The following MMADHC variants were observed in gnomAD, a reference collection of about 807,000 sequenced individuals.
The protein encoded by MMADHC is metabolism of cobalamin associated D.
Under a neutral mutation model 36.3 loss-of-function variants are expected in MMADHC, and 23 were observed. The ratio of observed to expected loss-of-function variants is 0.63; its 90% CI spans 0.46 to 0.90. The LOEUF is 0.90. MMADHC is among the 40% of genes least tolerant of loss of function. The pLI is 0.00. For missense variants in MMADHC, 330 were observed against 348.0 expected, an observed-to-expected ratio of 0.95 and a Z score of 0.41; for synonymous variants, 97 against 116.1, an observed-to-expected ratio of 0.84 and a Z score of 1.06.
chr2:149,585,150 A>G (rs1013812635), intron 2 of MMADHC, among the ~76,000 whole-genome samples: 4 of 152,200 alleles, frequency 2.6e-5, no homozygotes, highest in Non-Finnish European at 4.4e-5. Flanking sequence ...TGACTGGTTC[A>G]GCTGGTGAAC....
At position 149,569,935 on chromosome 2, in the gene MMADHC, T is replaced by C. The variant is rs1250059069; in HGVS notation, c.*39A>G. On this transcript the variant is annotated 3_prime_UTR_variant, in exon 8 of 8. Transcript: ENST00000303319. ...CAGTGTTTATAGATCAACCCAAATA[T>C]TACATACAAATAGTACAGCAAATGA... The C allele has an allele frequency of 1.3e-6, 2 of 1,576,428 alleles. No individual in the cohort carries two copies. Among genetic ancestry groups the C allele is most frequent in the East Asian group, 2.2e-5 (1 of 44,494 alleles).
chr2:149,570,537 A>T (rs1408153477), intron 7 of MMADHC, among the ~76,000 whole-genome samples: 1 of 152,244 alleles, frequency 6.6e-6, no homozygotes, highest in East Asian at 1.9e-4. Flanking sequence ...TTTGAGAAGA[A>T]ATGGTATATA....
intron 3 of MMADHC, among the ~76,000 whole-genome samples, chr2:149,579,937 T>A (rs1682772279): frequency 6.6e-6 from 1 of 152,198 alleles, no homozygotes; most frequent in African/African-American, 2.4e-5. Flanking sequence ...AACCTTTACA[T>A]ACTGACACTG....
intron 6 of MMADHC, among the ~76,000 whole-genome samples, chr2:149,574,407 A>G (rs1324077775): frequency 6.6e-6 from 1 of 152,230 alleles, no homozygotes; most frequent in African/African-American, 2.4e-5. Flanking sequence ...TGAAATTATA[A>G]TATTGTTGAA....
chr2:149,579,761 A>C, intron 3 of MMADHC, 113 bp from the exon 4 acceptor site: 2 of 951,720 alleles, frequency 2.1e-6, no homozygotes, highest in South Asian at 1.6e-5. Context: ...GATCTTCAAA[A>C]TCTGCTTTCC....
chr2:149,582,401 C>T (rs980137216), intron 2 of MMADHC, 130 bp from the exon 3 acceptor site: 9 of 788,710 alleles, frequency 1.1e-5, no homozygotes, highest in Admixed American at 6.7e-5. Context: ...TTACTGAACA[C>T]CTACTATATG....
At chr2:149,581,900 CAGAA>C (rs1395476974) in intron 3 of MMADHC, among the ~76,000 whole-genome samples, 1 of 152,080 alleles carries the variant, frequency 6.6e-6, no homozygotes, top group African/African-American at 2.4e-5. Flanking sequence ...TGTTTGAAGA[CAGAA>C]AGAAAAGTTT....
intron 6 of MMADHC, 84 bp downstream of exon 6, chr2:149,575,627 T>C (rs925447567): frequency 8.5e-7 from 1 of 1,171,418 alleles, no homozygotes; most frequent in African/African-American, 1.6e-5. Flanking sequence ...AGGGTGGAAA[T>C]GACAGTCATC....
chr2:149,582,408 T>C (rs985827709), intron 2 of MMADHC, 137 bp from the exon 3 acceptor site: 5 of 726,928 alleles, frequency 6.9e-6, no homozygotes, highest in African/African-American at 5.4e-5. Context: ...ACACCTACTA[T>C]ATGAAAGCAT....
rs1263115538 is a variant in MMADHC at position 149,569,844 on chromosome 2, G to A, written c.*130C>T. ...TTAAAATCCCAAATCACTTGCCAAT[G>A]TTGTAAATTCATAAATGCTGAAATA... On this transcript the variant is annotated 3_prime_UTR_variant, in exon 8 of 8. Coordinates refer to ENST00000303319, the MANE Select transcript of MMADHC (RefSeq NM_015702.3). 9 of 856,896 alleles carry A rather than the reference G, an allele frequency of 1.1e-5. No individual in the cohort carries two copies. The highest frequency in any genetic ancestry group is 1.6e-5 in the Non-Finnish European group (9 of 554,654). The allele number at this position is 856,896 out of a possible 1,614,324, so 53.1% of individuals were successfully genotyped here. A position where few individuals can be genotyped will look rare whatever the true frequency, so the allele number is the denominator to read the frequency against.
At chr2:149,578,882 A>G (rs1237266659) in intron 4 of MMADHC, among the ~76,000 whole-genome samples, 1 of 151,894 alleles carries the variant, frequency 6.6e-6, no homozygotes, top group Non-Finnish European at 1.5e-5. Context: ...CCACTTAAAT[A>G]AATAATCATA....
chr2:149,585,315 A>C (rs1682851947), intron 2 of MMADHC, among the ~76,000 whole-genome samples: 1 of 152,164 alleles, frequency 6.6e-6, no homozygotes, highest in Admixed American at 6.5e-5. Context: ...AATCCTTATT[A>C]GTATATAAAG....
intron 3 of MMADHC, among the ~76,000 whole-genome samples, chr2:149,581,641 T>C (rs1682795608): frequency 1.3e-5 from 2 of 152,186 alleles, no homozygotes; most frequent in South Asian, 4.1e-4. Context: ...TGGGAACTAC[T>C]GCTGAAAGCA....
At chr2:149,576,649 A>T in intron 4 of MMADHC, 107 bp from the exon 5 acceptor site, 1 of 770,308 alleles carries the variant, frequency 1.3e-6, no homozygotes. Flanking sequence ...TTGTTTTTAC[A>T]AAAAATTATA....
chr2:149,585,982 G>C (rs973720619), intron 2 of MMADHC, among the ~76,000 whole-genome samples: 5 of 152,062 alleles, frequency 3.3e-5, no homozygotes, highest in African/African-American at 1.2e-4. Flanking sequence ...TCTCTCCTTT[G>C]AAAGTACCAC....
At chr2:149,576,301 G>C in intron 5 of MMADHC, 136 bp downstream of exon 5, 1 of 692,828 alleles carries the variant, frequency 1.4e-6, no homozygotes, top group African/African-American at 1.8e-5. Context: ...CCTTTATCTT[G>C]GCCATGCAAT....
intron 3 of MMADHC, 137 bp downstream of exon 3, chr2:149,581,990 G>A (rs1414112217): frequency 1.1e-6 from 1 of 885,910 alleles, no homozygotes; most frequent in Non-Finnish European, 1.8e-6. Context: ...TATTTAGGCA[G>A]AGCTGTGATT....
In MMADHC at chr2:149,575,792, C is replaced by A; in HGVS notation, c.528G>T (p.Leu176=). Residue 176 remains leucine (L), a synonymous_variant, in exon 6 of 8, where the codon CTG becomes CTT. Coordinates refer to ENST00000303319, the MANE Select transcript of MMADHC (RefSeq NM_015702.3). ...PEVANGKLMI[L]TVTQKTKNDM... is the part of the protein sequence containing the mutation. Reference sequence around the variant, plus strand: ...CATTCTTAGTTTTTTGTGTTACAGTCAGAATCATTAGTTTGCCATTAGCTA... The same window carrying A: ...CATTCTTAGTTTTTTGTGTTACAGTAAGAATCATTAGTTTGCCATTAGCTA... 1 of 1,608,164 alleles carries A rather than the reference C, an allele frequency of 6.2e-7. No homozygotes were observed. The highest frequency in any genetic ancestry group is 1.1e-5 in the South Asian group (1 of 90,616).
chr2:149,576,908 G>C (rs926163135), intron 4 of MMADHC, among the ~76,000 whole-genome samples: 24 of 152,196 alleles, frequency 1.6e-4, no homozygotes, highest in African/African-American at 4.8e-4. Context: ...ATCTGTAAAA[G>C]GGGGATAATG....
Sources: gnomAD v4.1 joint callset for allele counts (sites outside exome capture counted in the v4.1 genomes callset) on GRCh38, gnomAD v4.1.1 for gene constraint, MANE v1.5 for transcripts, NCBI Gene and HGNC (gene_info 2026-07-23, HGNC 2026-07-21) for gene names.